SDC2: variants seen among roughly 807,000 people sequenced by gnomAD.
The protein encoded by SDC2 is syndecan-2.
A neutral mutation model predicts 22.2 loss-of-function variants in SDC2; 13 were observed. The observed-to-expected ratio is 0.59, with a 90% CI of 0.38 to 0.93. The LOEUF is 0.93. Ranked by LOEUF, SDC2 falls within the 40% of genes least tolerant of loss-of-function variation. The pLI is 0.00. For missense variants in SDC2, 235 were observed against 246.8 expected (o/e 0.95, Z 0.32); for synonymous variants, 94 against 92.8 (o/e 1.01, Z -0.07).
chr8:96,542,712 C>G (rs780164942), intron 1 of SDC2, among the ~76,000 whole-genome samples: 7 of 151,454 alleles, frequency 4.6e-5, no homozygotes, highest in Non-Finnish European at 8.8e-5. Flanking sequence ...GAATTCAGGG[C>G]GGGGGTAAGT....
chr8:96,553,084 A>T (rs534115407), intron 1 of SDC2, among the ~76,000 whole-genome samples: 5 of 152,344 alleles, frequency 3.3e-5, no homozygotes, highest in African/African-American at 1.2e-4. Flanking sequence ...CATTTATTTT[A>T]GAAAGTGCCT....
chr8:96,588,408 T>G (rs1814721935), intron 1 of SDC2, among the ~76,000 whole-genome samples: 1 of 152,224 alleles, frequency 6.6e-6, no homozygotes, highest in Admixed American at 6.5e-5. Flanking sequence ...ATTATTTCCT[T>G]TACAATGTGT....
At chr8:96,592,910 C>T (rs1177841759) in intron 1 of SDC2, among the ~76,000 whole-genome samples, 1 of 152,216 alleles carries the variant, frequency 6.6e-6, no homozygotes, top group Non-Finnish European at 1.5e-5. Flanking sequence ...CAGCACAGGT[C>T]TGGGCTGGGG....
chr8:96,538,405 TAAA>T lies in SDC2; in HGVS notation c.60+44080_60+44082del, dbSNP rs35236709. On this transcript the variant is annotated intron_variant, in intron 1 of 4. Transcript: ENST00000302190. ...CTATTTCAAACAAAAGTACTAAAGA[TAAA>T]AAAAAGTTATACTGTAAATGTTACT... Among the ~76,000 whole-genome samples, 3 of 152,042 alleles carry T rather than the reference TAAA, an allele frequency of 2.0e-5. No homozygotes were observed. In the East Asian group the frequency reaches 5.8e-4, roughly 29 times the overall value.
chr8:96,499,864 T>C (rs1440325465), intron 1 of SDC2, among the ~76,000 whole-genome samples: 1 of 152,132 alleles, frequency 6.6e-6, no homozygotes, highest in African/African-American at 2.4e-5. Flanking sequence ...CCATCAAGGT[T>C]AGTGCTATAG....
At chr8:96,519,869 C>T (rs561754494) in intron 1 of SDC2, among the ~76,000 whole-genome samples, 57 of 152,160 alleles carry the variant, frequency 3.7e-4, no homozygotes, top group Non-Finnish European at 6.8e-4. Flanking sequence ...CTCAAGTGAT[C>T]GGCCTGCCTC....
At chr8:96,561,868 G>T (rs1260520965) in intron 1 of SDC2, among the ~76,000 whole-genome samples, 1 of 152,190 alleles carries the variant, frequency 6.6e-6, no homozygotes, top group African/African-American at 2.4e-5. Context: ...ACAACCTTTG[G>T]ATAACAGTCC....
At chr8:96,595,404 T>G (rs893049359) in intron 2 of SDC2, among the ~76,000 whole-genome samples, 3 of 152,102 alleles carry the variant, frequency 2.0e-5, no homozygotes, top group African/African-American at 7.2e-5. Context: ...ATAACTCTAG[T>G]TATTCTTGGG....
chr8:96,596,425 A>T (rs2130640371), intron 2 of SDC2, among the ~76,000 whole-genome samples: 1 of 152,326 alleles, frequency 6.6e-6, no homozygotes, highest in South Asian at 2.1e-4. Context: ...AGGAGATAGG[A>T]CTATGTTCTA....
At chr8:96,566,100 A>C (rs1233407505) in intron 1 of SDC2, among the ~76,000 whole-genome samples, 1 of 152,174 alleles carries the variant, frequency 6.6e-6, no homozygotes, top group Non-Finnish European at 1.5e-5. Flanking sequence ...GTGAGCACTC[A>C]CTGGAATAGT....
chr8:96,534,155 C>T (rs558662955), intron 1 of SDC2, among the ~76,000 whole-genome samples: 34 of 152,306 alleles, frequency 2.2e-4, no homozygotes, highest in African/African-American at 3.8e-4. Context: ...GACCTGCAAG[C>T]GCCGTGCGCA....
Position 96,565,158 on chromosome 8 carries a change from C to T in SDC2, c.61-28322C>T, listed in dbSNP as rs1435829439. Among the ~76,000 whole-genome samples the T allele has an allele frequency of 2.0e-4, 23 of 117,110 alleles. No homozygotes were observed. The Admixed American group carries it at 2.2e-3, about 11-fold the overall frequency. 76.8% of individuals were successfully genotyped at this position (117,110 alleles called of 152,430 possible). A position where few individuals can be genotyped will look rare whatever the true frequency, so the allele number is the denominator to read the frequency against. ...TGGAGTGCAGTGTACGATCTCGGCT[C>T]ACTGCAACCTCCGCCTCCCGGGTTC... On this transcript the variant is annotated intron_variant, in intron 1 of 4. Transcript: ENST00000302190.
intron 1 of SDC2, among the ~76,000 whole-genome samples, chr8:96,583,505 A>G (rs1814628599): frequency 6.6e-6 from 1 of 150,718 alleles, no homozygotes; most frequent in African/African-American, 2.4e-5. Context: ...ATTTGTGTCT[A>G]TGACTTATCG....
rs2130670424 is a variant in SDC2 at position 96,610,656 on chromosome 8, A to G, written c.*1108A>G. 1 of 152,746 alleles carries G rather than the reference A, an allele frequency of 6.5e-6. No homozygotes were observed. The highest frequency in any genetic ancestry group is 2.1e-4 in the South Asian group (1 of 4,824). 9.5% of individuals were successfully genotyped at this position (152,746 alleles called of 1,614,324 possible). A position where few individuals can be genotyped will look rare whatever the true frequency, so the allele number is the denominator to read the frequency against. ...CTAATATTGAAAATGTCACTGTTATAAATTTTGTACATTTTTGATCAAATG... is the reference window on the plus strand; with the variant it reads ...CTAATATTGAAAATGTCACTGTTATGAATTTTGTACATTTTTGATCAAATG... On this transcript the variant is annotated 3_prime_UTR_variant, in exon 5 of 5. Coordinates refer to ENST00000302190, the MANE Select transcript of SDC2 (RefSeq NM_002998.4).
chr8:96,549,714 A>G (rs901031558), intron 1 of SDC2, among the ~76,000 whole-genome samples: 2 of 152,220 alleles, frequency 1.3e-5, no homozygotes, highest in East Asian at 1.9e-4. Context: ...GTAATAATGC[A>G]TATATGTTTG....
intron 3 of SDC2, among the ~76,000 whole-genome samples, chr8:96,603,630 G>A (rs1266090241): frequency 1.3e-5 from 2 of 152,116 alleles, no homozygotes; most frequent in Admixed American, 1.3e-4. Context: ...CAGAATGCAT[G>A]TGGGCTTTTC....
chr8:96,521,404 G>A (rs1311750214), intron 1 of SDC2, among the ~76,000 whole-genome samples: 1 of 152,162 alleles, frequency 6.6e-6, no homozygotes, highest in Non-Finnish European at 1.5e-5. Flanking sequence ...GGAAAGCTCG[G>A]ATCTAGGGAG....
chr8:96,611,621 T>G lies in SDC2; in HGVS notation c.*2073T>G, dbSNP rs1180100794. 6 of 152,586 alleles carry G rather than the reference T, an allele frequency of 3.9e-5. No individual in the cohort carries two copies. Among genetic ancestry groups the G allele is most frequent in the Admixed American group, 3.9e-4 (6 of 15,260 alleles). The allele number at this position is 152,586 out of a possible 1,614,324, so 9.5% of individuals were successfully genotyped here. A position where few individuals can be genotyped will look rare whatever the true frequency, so the allele number is the denominator to read the frequency against. On this transcript the variant is annotated 3_prime_UTR_variant, in exon 5 of 5. Coordinates refer to ENST00000302190, the MANE Select transcript of SDC2 (RefSeq NM_002998.4). ...GTAGGAATGGGTATACCTCTAACTG[T>G]GCAAAGCAGAGTGAAATTCAATTCA...
chr8:96,574,027 GCACCCCCTCCCCTCCA>G (rs1219853956), intron 1 of SDC2, among the ~76,000 whole-genome samples: 2 of 129,582 alleles, frequency 1.5e-5, no homozygotes, highest in South Asian at 2.4e-4. Context: ...CCTGCCCTCT[GCACCCCCTCCCCTCCA>G]CACCCCCTCC....
Sources: gnomAD v4.1 joint callset for allele counts (sites outside exome capture counted in the v4.1 genomes callset) on GRCh38, gnomAD v4.1.1 for gene constraint, MANE v1.5 for transcripts, NCBI Gene and HGNC (gene_info 2026-07-23, HGNC 2026-07-21) for gene names.